The following STX3 variants were observed in gnomAD, a reference collection of about 807,000 sequenced individuals.
STX3 encodes syntaxin-3.
In STX3, 19 loss-of-function variants were observed where a neutral mutation model predicts 40.2. That is an observed-to-expected ratio of 0.47 (90% CI 0.33 to 0.69). The LOEUF is 0.69. Among genes scored for constraint, STX3 ranks in the 30% least tolerant of loss-of-function variants. STX3 has a pLI of 0.02. For synonymous variants in STX3, 122 were observed against 132.2 expected, an observed-to-expected ratio of 0.92 and a Z score of 0.53; for missense variants, 364 against 366.7, an observed-to-expected ratio of 0.99 and a Z score of 0.06.
chr11:59,769,301 G>A (rs866047198), intron 1 of STX3, among the ~76,000 whole-genome samples: 4 of 152,184 alleles, frequency 2.6e-5, no homozygotes, highest in Middle Eastern at 6.8e-3. Flanking sequence ...GGATGGGTGC[G>A]GACAGTGATG....
chr11:59,778,425 A>G (rs561132749), intron 2 of STX3, among the ~76,000 whole-genome samples: 1 of 152,324 alleles, frequency 6.6e-6, no homozygotes, highest in Admixed American at 6.5e-5. Flanking sequence ...GGACACCAGG[A>G]AAGTGAGTAC....
At chr11:59,775,002 G>T (rs1038297144) in intron 2 of STX3, among the ~76,000 whole-genome samples, 11 of 152,162 alleles carry the variant, frequency 7.2e-5, no homozygotes, top group African/African-American at 2.7e-4. Flanking sequence ...ATTTCCCCTG[G>T]AAAGAAAACA....
In STX3 at chr11:59,773,182, C is replaced by T. The variant is rs139495717; in HGVS notation, c.31-29C>T. On this transcript the variant is annotated intron_variant, in intron 1 of 10. Coordinates refer to ENST00000337979, the MANE Select transcript of STX3 (RefSeq NM_004177.5). ...TTTAGCCATTTATTGTGTTTTTAGC[C>T]TCACTCTGCTCTTTTTTGCCTTTTG... 8.9e-5 allele frequency: 144 copies of T among 1,609,598 alleles called. No homozygotes were observed. In the African/African-American group the frequency reaches 1.7e-3, roughly 19 times the overall value.
chr11:59,777,014 C>T (rs78048996), intron 2 of STX3, among the ~76,000 whole-genome samples: 5,376 of 152,302 alleles, frequency 0.035, 198 homozygotes, highest in African/African-American at 0.075. Context: ...AGTATTTGAG[C>T]GCTTACTGTC....
At chr11:59,767,847 G>A (rs1488224333) in intron 1 of STX3, among the ~76,000 whole-genome samples, 1 of 152,184 alleles carries the variant, frequency 6.6e-6, no homozygotes, top group African/African-American at 2.4e-5. Context: ...AGTGAAAAGA[G>A]TTCAGGGACC....
intron 10 of STX3, among the ~76,000 whole-genome samples, chr11:59,797,881 AT>A (rs541945301): frequency 1.3e-3 from 192 of 152,324 alleles, no homozygotes; most frequent in African/African-American, 4.3e-3. Flanking sequence ...TTAAATGATG[AT>A]AGTTAACACA....
rs930350223 is a variant in STX3 at position 59,803,238 on chromosome 11, C to T, written c.*2414C>T. 17 of 1,231,546 alleles carry T rather than the reference C, an allele frequency of 1.4e-5. No homozygotes were observed. The highest frequency in any genetic ancestry group is 1.7e-5 in the Non-Finnish European group (17 of 987,958). The allele number at this position is 1,231,546 out of a possible 1,614,324, so 76.3% of individuals were successfully genotyped here. On this transcript the variant is annotated 3_prime_UTR_variant, in exon 11 of 11. Transcript: ENST00000337979. ...AGCAGAAGAAGATCATGATCATGAT[C>T]TGCTGTATTATCCTTGCGATCATCT...
chr11:59,785,680 G>A (rs993528611), intron 2 of STX3, among the ~76,000 whole-genome samples: 11 of 152,124 alleles, frequency 7.2e-5, no homozygotes, highest in African/African-American at 1.9e-4. Flanking sequence ...TTTTGAAAAA[G>A]GTGAAGTGTC....
At chr11:59,784,946 C>T (rs1236120702) in intron 2 of STX3, among the ~76,000 whole-genome samples, 1 of 152,186 alleles carries the variant, frequency 6.6e-6, no homozygotes, top group Non-Finnish European at 1.5e-5. Context: ...ACTCTTCAAT[C>T]TAATGGAAAA....
chr11:59,805,865 ATTG>A lies in STX3; in HGVS notation c.*5042_*5044del. ...GATGGGTAGCTGGGCATCAATAAAT[ATTG>A]AATCAATTGACCTATGTACTGTTGT... On this transcript the variant is annotated 3_prime_UTR_variant, in exon 11 of 11. Coordinates refer to ENST00000337979, the MANE Select transcript of STX3 (RefSeq NM_004177.5). The A allele has an allele frequency of 6.5e-6, 1 of 153,630 alleles. No individual in the cohort carries two copies. The highest frequency in any genetic ancestry group is 1.5e-5 in the Non-Finnish European group (1 of 68,900). 9.5% of individuals were successfully genotyped at this position (153,630 alleles called of 1,614,324 possible).
rs539117075 is a variant in STX3, at chr11:59,786,302, C to T, written c.115-735C>T. Among the ~76,000 whole-genome samples the T allele has an allele frequency of 5.2e-4, 76 of 146,024 alleles. No individual in the cohort carries two copies. The East Asian group carries it at 0.013, about 26-fold the overall frequency. On this transcript the variant is annotated intron_variant, in intron 2 of 10. Coordinates refer to ENST00000337979, the MANE Select transcript of STX3 (RefSeq NM_004177.5). ...TCGTCCAGGCTGGAGTGCAGTGGTG[C>T]GAACTCGGCTCACTGCAAGCTCCAC...
At chr11:59,780,888 A>C (rs1864325773) in intron 2 of STX3, among the ~76,000 whole-genome samples, 1 of 152,160 alleles carries the variant, frequency 6.6e-6, no homozygotes, top group Admixed American at 6.5e-5. Context: ...CAACACACTT[A>C]ATTTACTTGA....
chr11:59,773,359 T>TA, intron 2 of STX3, 65 bp downstream of exon 2: 2 of 1,550,736 alleles, frequency 1.3e-6, no homozygotes, highest in Non-Finnish European at 1.8e-6. Context: ...TTAGTAAGAA[T>TA]AAAAAACCTT....
At chr11:59,786,674 G>A (rs1339348346) in intron 2 of STX3, among the ~76,000 whole-genome samples, 1 of 149,418 alleles carries the variant, frequency 6.7e-6, no homozygotes, top group Non-Finnish European at 1.5e-5. Context: ...ACTCTTTTCT[G>A]TTCTCACTTT....
rs1865216548 is a variant in STX3, at chr11:59,792,143, A to G, written c.394A>G (p.Thr132Ala). 1 of 1,614,116 alleles carries G rather than the reference A, an allele frequency of 6.2e-7. No individual in the cohort carries two copies. Among genetic ancestry groups the G allele is most frequent in the Non-Finnish European group, 8.5e-7 (1 of 1,180,024 alleles). Reference protein sequence around the residue: ...VLSRKFVEVMTKYNEAQVDFR... With the variant: ...VLSRKFVEVMAKYNEAQVDFR... ...TTCTCGGAAGTTTGTGGAGGTGATG[A>G]CCAAATACAATGAAGCTCAAGTGGA... Residue 132 changes from threonine to alanine, a missense_variant, in exon 6 of 11, where the codon ACC becomes GCC. Coordinates refer to ENST00000337979, the MANE Select transcript of STX3 (RefSeq NM_004177.5).
In STX3 at chr11:59,802,928, G is replaced by A; in HGVS notation, c.*2104G>A. The A allele has an allele frequency of 3.0e-6, 3 of 985,442 alleles. No individual in the cohort carries two copies. The highest frequency in any genetic ancestry group is 2.4e-6 in the Non-Finnish European group (2 of 829,942). 61.0% of individuals were successfully genotyped at this position (985,442 alleles called of 1,614,324 possible). A position where few individuals can be genotyped will look rare whatever the true frequency, so the allele number is the denominator to read the frequency against. Reference sequence around the variant, plus strand: ...GTTCCCCCCAAAAGAATTTGGTTCAGTCCTTGGGAGTATCTGGCTTTAGGA... The same window carrying A: ...GTTCCCCCCAAAAGAATTTGGTTCAATCCTTGGGAGTATCTGGCTTTAGGA... On this transcript the variant is annotated 3_prime_UTR_variant, in exon 11 of 11. Coordinates refer to ENST00000337979, the MANE Select transcript of STX3 (RefSeq NM_004177.5).
intron 10 of STX3, among the ~76,000 whole-genome samples, chr11:59,798,929 G>T (rs1039588798): frequency 6.7e-6 from 1 of 148,424 alleles, no homozygotes; most frequent in Non-Finnish European, 1.5e-5. Context: ...TTGCTCTGTC[G>T]CCCAGGCTGG....
At chr11:59,799,166 A>G (rs990184735) in intron 10 of STX3, among the ~76,000 whole-genome samples, 21 of 152,248 alleles carry the variant, frequency 1.4e-4, no homozygotes, top group African/African-American at 4.8e-5. Flanking sequence ...CTGGGATTAC[A>G]GGCATGAGCC....
chr11:59,801,284 G>C lies in STX3; in HGVS notation c.*460G>C. ...ATGATTCTTCTAAGTTTGGCAACAA[G>C]AAGGCTTGGATCTGAGTCTTCTACC... On this transcript the variant is annotated 3_prime_UTR_variant, in exon 11 of 11. Coordinates refer to ENST00000337979, the MANE Select transcript of STX3 (RefSeq NM_004177.5). The C allele has an allele frequency of 4.0e-6, 4 of 1,005,632 alleles. No homozygotes were observed. The South Asian group carries it at 1.8e-4, about 44-fold the overall frequency. 62.3% of individuals were successfully genotyped at this position (1,005,632 alleles called of 1,614,324 possible).
Sources: gnomAD v4.1 joint callset for allele counts (sites outside exome capture counted in the v4.1 genomes callset) on GRCh38, gnomAD v4.1.1 for gene constraint, MANE v1.5 for transcripts, NCBI Gene and HGNC (gene_info 2026-07-23, HGNC 2026-07-21) for gene names.